The following CNTNAP3B variants were observed in gnomAD, a reference collection of about 807,000 sequenced individuals.
CNTNAP3B encodes the protein contactin-associated protein-like 3B.
In CNTNAP3B, 25 loss-of-function variants were observed where a neutral mutation model predicts 108.9. The observed-to-expected ratio is 0.23, with a 90% CI of 0.17 to 0.32. CNTNAP3B has a LOEUF of 0.32. Among genes scored for constraint, CNTNAP3B ranks in the 10% least tolerant of loss-of-function variants. The probability of loss-of-function intolerance (pLI) is 1.00; values close to 1 mark genes in which losing one functional copy is unlikely to be tolerated. For missense variants in CNTNAP3B, 252 were observed against 1,210.4 expected, an observed-to-expected ratio of 0.21 and a Z score of 11.75; for synonymous variants, 103 against 473.4, an observed-to-expected ratio of 0.22 and a Z score of 10.16.
At chr9:42,053,590 C>A (rs1182202700) in intron 3 of CNTNAP3B, among the ~76,000 whole-genome samples, 1 of 139,808 alleles carries the variant, frequency 7.2e-6, no homozygotes, top group Admixed American at 7.1e-5. Context: ...GACCAGTTGG[C>A]AAACACATGG....
chr9:41,949,785 T>A (rs1824623769), intron 13 of CNTNAP3B, among the ~76,000 whole-genome samples: 1 of 151,922 alleles, frequency 6.6e-6, no homozygotes, highest in Admixed American at 6.6e-5. Context: ...GGAAAAAAAT[T>A]CAAAAATCTT....
intron 15 of CNTNAP3B, 91 bp from the exon 16 acceptor site, chr9:41,924,184 A>C (rs1194507292): frequency 6.3e-7 from 1 of 1,586,460 alleles, no homozygotes; most frequent in Non-Finnish European, 8.6e-7. Flanking sequence ...ATGACTGCTA[A>C]ATACATTAAT....
rs148251688 is a variant in CNTNAP3B at position 42,116,759 on chromosome 9, G to A, written c.86-12020C>T. Among the ~76,000 whole-genome samples, 1,092 of 139,348 alleles carry A rather than the reference G, an allele frequency of 7.8e-3. 142 individuals are homozygous for A. The highest frequency in any genetic ancestry group is 0.03 in the African/African-American group (1,050 of 34,990). The allele number at this position is 139,348 out of a possible 152,430, so 91.4% of individuals were successfully genotyped here. ...GGATAAAGAGTCAAGACCCATCAGTGTGCTGTATTCAGCAGACCCTGCTCA... is the reference window on the plus strand; with the variant it reads ...GGATAAAGAGTCAAGACCCATCAGTATGCTGTATTCAGCAGACCCTGCTCA... On this transcript the variant is annotated intron_variant, in intron 1 of 23. Coordinates refer to ENST00000377561, the MANE Select transcript of CNTNAP3B (RefSeq NM_001201380.3).
chr9:41,966,163 T>C (rs1209146718), intron 10 of CNTNAP3B, among the ~76,000 whole-genome samples: 8 of 152,304 alleles, frequency 5.3e-5, no homozygotes, highest in African/African-American at 1.9e-4. Flanking sequence ...AAAGAGCAGC[T>C]GTTCCTCTTC....
chr9:42,096,450 T>C (rs1184270138), intron 2 of CNTNAP3B, among the ~76,000 whole-genome samples: 1 of 139,366 alleles, frequency 7.2e-6, no homozygotes, highest in African/African-American at 2.8e-5. Context: ...GAAGTGAAGA[T>C]TAATGTCTTG....
chr9:41,983,463 G>A (rs1825670490), intron 9 of CNTNAP3B: 1 of 83,020 alleles, frequency 1.2e-5, no homozygotes, highest in African/African-American at 4.7e-5. Flanking sequence ...AAAAATCTCT[G>A]TTCCGTTTAC....
At chr9:42,056,279 T>C (rs1328752200) in intron 3 of CNTNAP3B, among the ~76,000 whole-genome samples, 1 of 137,104 alleles carries the variant, frequency 7.3e-6, no homozygotes, top group Non-Finnish European at 1.6e-5. Context: ...CTGTTTTAAT[T>C]TGCATTTCTT....
rs1162774323 is a variant in CNTNAP3B at position 42,057,397 on chromosome 9, G to T, written c.390+19472C>A. The stretch of plus-strand genomic sequence containing the variant: ...TTTCTGTATTTTTAGTAGAGACAGG[G>T]TTTCACCACGTTAGCTAGTCTGCTC... On this transcript the variant is annotated intron_variant, in intron 3 of 23. Coordinates refer to ENST00000377561, the MANE Select transcript of CNTNAP3B (RefSeq NM_001201380.3). Among the ~76,000 whole-genome samples, 10 of 91,744 alleles carry T rather than the reference G, an allele frequency of 1.1e-4. 4 individuals carry two copies. Among genetic ancestry groups the T allele is most frequent in the Non-Finnish European group, 2.3e-4 (10 of 44,084 alleles). 60.2% of individuals were successfully genotyped at this position (91,744 alleles called of 152,430 possible). A position where few individuals can be genotyped will look rare whatever the true frequency, so the allele number is the denominator to read the frequency against.
At chr9:42,066,711 G>A (rs1343113019) in intron 3 of CNTNAP3B, among the ~76,000 whole-genome samples, 34 of 129,456 alleles carry the variant, frequency 2.6e-4, no homozygotes, top group African/African-American at 9.8e-4. Flanking sequence ...GAGCCACCAC[G>A]CTGGCCCAGG....
At chr9:42,105,773 T>C (rs1828084564) in intron 1 of CNTNAP3B, among the ~76,000 whole-genome samples, 2 of 99,126 alleles carry the variant, frequency 2.0e-5, no homozygotes, top group Non-Finnish European at 4.2e-5. Flanking sequence ...ATAAAAAGGG[T>C]ACCTCTTCCA....
At chr9:42,096,470 C>T (rs935114770) in intron 2 of CNTNAP3B, among the ~76,000 whole-genome samples, 1 of 138,376 alleles carries the variant, frequency 7.2e-6, no homozygotes, top group Non-Finnish European at 1.5e-5. Flanking sequence ...GGTTCACAGT[C>T]TCTGCAATGA....
At chr9:42,118,350 T>C (rs2118736709) in intron 1 of CNTNAP3B, among the ~76,000 whole-genome samples, 1 of 139,906 alleles carries the variant, frequency 7.1e-6, no homozygotes, top group South Asian at 2.3e-4. Context: ...GCTTCAGCCC[T>C]GGGACGCAAG....
At chr9:42,103,414 G>T (rs978762820) in intron 2 of CNTNAP3B, among the ~76,000 whole-genome samples, 2 of 89,476 alleles carry the variant, frequency 2.2e-5, no homozygotes, top group African/African-American at 5.3e-5. Context: ...ATGCAACAGG[G>T]AGTTAAAAAA....
chr9:41,923,544 T>C (rs1823725320), intron 16 of CNTNAP3B, among the ~76,000 whole-genome samples: 1 of 152,290 alleles, frequency 6.6e-6, no homozygotes, highest in Non-Finnish European at 1.5e-5. Flanking sequence ...GGCGGATCAC[T>C]TGAGGCCAGG....
At chr9:42,023,629 A>G (rs1213556284) in intron 3 of CNTNAP3B, among the ~76,000 whole-genome samples, 1 of 107,606 alleles carries the variant, frequency 9.3e-6, no homozygotes, top group Non-Finnish European at 2.0e-5. Flanking sequence ...AATGTCCCAA[A>G]TGCTTGAGTT....
At chr9:42,041,717 A>G (rs1270337493) in intron 3 of CNTNAP3B, among the ~76,000 whole-genome samples, 1 of 139,952 alleles carries the variant, frequency 7.1e-6, no homozygotes, top group African/African-American at 2.8e-5. Context: ...ATACCATTTG[A>G]CCCAGTCATC....
At chr9:41,927,274 T>C (rs1445761773) in intron 15 of CNTNAP3B, among the ~76,000 whole-genome samples, 48 of 148,098 alleles carry the variant, frequency 3.2e-4, no homozygotes, top group African/African-American at 1.1e-3. Context: ...CTCCATTCCA[T>C]ATAAATGAAT....
intron 11 of CNTNAP3B, among the ~76,000 whole-genome samples, chr9:41,962,949 C>T (rs1392669573): frequency 4.6e-5 from 7 of 150,646 alleles, no homozygotes; most frequent in South Asian, 2.1e-4. Flanking sequence ...AGCAAGACTC[C>T]GTCTCAAAAA....
At chr9:41,964,961 G>T (rs766298902) in intron 10 of CNTNAP3B, among the ~76,000 whole-genome samples, 20 of 152,232 alleles carry the variant, frequency 1.3e-4, no homozygotes, top group Non-Finnish European at 2.9e-4. Flanking sequence ...ATGAAATATG[G>T]CATGCTCAGT....
Sources: gnomAD v4.1 joint callset for allele counts (sites outside exome capture counted in the v4.1 genomes callset) on GRCh38, gnomAD v4.1.1 for gene constraint, MANE v1.5 for transcripts, NCBI Gene and HGNC (gene_info 2026-07-23, HGNC 2026-07-21) for gene names.